The following CEP128 variants were observed in gnomAD, a reference collection of about 807,000 sequenced individuals.
CEP128 encodes the protein centrosomal protein 128kDa.
CEP128 carries 132 observed loss-of-function variants against 156.7 expected under a neutral mutation model. That is an observed-to-expected ratio of 0.84 (90% CI 0.73 to 0.97). CEP128 has a LOEUF of 0.97. Ranked by LOEUF, CEP128 falls within the 50% of genes least tolerant of loss-of-function variation. The pLI, the probability that CEP128 is intolerant of heterozygous loss-of-function variation, is 0.00. For missense variants in CEP128, 1,252 were observed against 1,281.9 expected (o/e 0.98, Z 0.36); for synonymous variants, 469 against 448.9 (o/e 1.04, Z -0.57).
At chr14:80,737,034 T>C (rs1898565659) in intron 19 of CEP128, among the ~76,000 whole-genome samples, 2 of 152,226 alleles carry the variant, frequency 1.3e-5, no homozygotes, top group African/African-American at 2.4e-5. Flanking sequence ...GAATAAAACA[T>C]ATTTCTTAAA....
intron 9 of CEP128, among the ~76,000 whole-genome samples, chr14:80,857,364 T>G (rs936926738): frequency 6.6e-6 from 1 of 152,034 alleles, no homozygotes; most frequent in African/African-American, 2.4e-5. Flanking sequence ...AAGGAGTTTA[T>G]AGTATGATAA....
At chr14:80,672,287 TTTTGA>T (rs1325853811) in intron 19 of CEP128, among the ~76,000 whole-genome samples, 1 of 136,154 alleles carries the variant, frequency 7.3e-6, no homozygotes, top group African/African-American at 2.7e-5. Context: ...ATTAAACAAA[TTTTGA>T]GATACCTAAT....
At chr14:80,559,202 C>T (rs1425303106) in intron 21 of CEP128, 77 bp downstream of exon 21, 1 of 1,258,268 alleles carries the variant, frequency 7.9e-7, no homozygotes, top group Non-Finnish European at 1.1e-6. Flanking sequence ...AAACTGTTTC[C>T]TTTGGTGTGC....
At chr14:80,767,242 T>A (rs1900284407) in intron 16 of CEP128, among the ~76,000 whole-genome samples, 1 of 152,138 alleles carries the variant, frequency 6.6e-6, no homozygotes, top group Non-Finnish European at 1.5e-5. Flanking sequence ...AACTTGGAAA[T>A]AATTTAAGCT....
chr14:80,857,215 C>CTT lies in CEP128; in HGVS notation c.762+5540_762+5541dup, dbSNP rs34279371. ...GAACCTGCAAAAAAAGTGGTTTTGGCTTTTTTTTTTTTTTTACAGTTTTTT... is the reference window on the plus strand; with the variant it reads ...GAACCTGCAAAAAAAGTGGTTTTGGCTTTTTTTTTTTTTTTTTACAGTTTTTT... On this transcript the variant is annotated intron_variant, in intron 9 of 24. Coordinates refer to ENST00000555265, the MANE Select transcript of CEP128 (RefSeq NM_152446.5). Among the ~76,000 whole-genome samples, 4 of 137,380 alleles carry CTT rather than the reference C, an allele frequency of 2.9e-5. No individual in the cohort carries two copies. The East Asian group carries it at 6.3e-4, about 22-fold the overall frequency. 90.1% of individuals were successfully genotyped at this position (137,380 alleles called of 152,430 possible).
At chr14:80,900,066 CTGTT>C in intron 6 of CEP128, 37 bp from the exon 7 acceptor site, 8 of 1,329,576 alleles carry the variant, frequency 6.0e-6, no homozygotes, top group Non-Finnish European at 8.6e-6. Flanking sequence ...ATTTAGAATT[CTGTT>C]GAATTCTTCC....
At chr14:80,787,701 T>C (rs1352524537) in intron 14 of CEP128, among the ~76,000 whole-genome samples, 1 of 152,116 alleles carries the variant, frequency 6.6e-6, no homozygotes, top group Non-Finnish European at 1.5e-5. Context: ...TAGTGATATA[T>C]GTTTGAAGCA....
At chr14:80,935,646 CAAAAAAAA>C (rs375122664) in intron 2 of CEP128, among the ~76,000 whole-genome samples, 11 of 51,608 alleles carry the variant, frequency 2.1e-4, no homozygotes, top group South Asian at 1.8e-3. Context: ...GTCCCCCCAC[CAAAAAAAA>C]AAAAAAAAAA....
At chr14:80,585,652 T>A (rs1284822525) in intron 19 of CEP128, among the ~76,000 whole-genome samples, 1 of 152,202 alleles carries the variant, frequency 6.6e-6, no homozygotes. Flanking sequence ...GGCAGCAGAA[T>A]ATGTTGAGTT....
chr14:80,858,631 T>G (rs866153003), intron 9 of CEP128, among the ~76,000 whole-genome samples: 6,614 of 145,534 alleles, frequency 0.045, 158 homozygotes, highest in Middle Eastern at 0.063. Flanking sequence ...GGGAGAAAAT[T>G]TTCGCAACCT....
chr14:80,777,176 T>C (rs1900839555), intron 16 of CEP128, among the ~76,000 whole-genome samples: 1 of 152,152 alleles, frequency 6.6e-6, no homozygotes, highest in South Asian at 2.1e-4. Context: ...AAATTCATAG[T>C]TGAAACTGAA....
intron 19 of CEP128, among the ~76,000 whole-genome samples, chr14:80,708,128 G>T (rs1422356500): frequency 1.3e-5 from 2 of 152,028 alleles, no homozygotes; most frequent in Admixed American, 1.3e-4. Flanking sequence ...GTCCCCTATG[G>T]ACATTTGGTT....
chr14:80,547,618 T>C (rs1057405756), intron 21 of CEP128, among the ~76,000 whole-genome samples: 3 of 152,198 alleles, frequency 2.0e-5, no homozygotes, highest in African/African-American at 7.2e-5. Context: ...CCTTGTCTGC[T>C]GTATGCTTTA....
intron 19 of CEP128, among the ~76,000 whole-genome samples, chr14:80,666,283 C>CT (rs1895608457): frequency 6.6e-6 from 1 of 152,224 alleles, no homozygotes; most frequent in Non-Finnish European, 1.5e-5. Context: ...AGGGAAGTGC[C>CT]TGACTCTAGC....
intron 19 of CEP128, among the ~76,000 whole-genome samples, chr14:80,641,333 ACTT>A (rs2140789282): frequency 6.6e-6 from 1 of 152,298 alleles, no homozygotes; most frequent in East Asian, 1.9e-4. Flanking sequence ...AAATACTGTG[ACTT>A]CTTGATGTTC....
intron 8 of CEP128, among the ~76,000 whole-genome samples, chr14:80,886,525 A>T (rs566972395): frequency 6.6e-4 from 101 of 152,352 alleles, no homozygotes; most frequent in African/African-American, 2.4e-3. Context: ...TATCCAGCCA[A>T]ACTAAGCTTC....
intron 19 of CEP128, among the ~76,000 whole-genome samples, chr14:80,589,331 C>G (rs1048128101): frequency 6.6e-6 from 1 of 152,102 alleles, no homozygotes; most frequent in South Asian, 2.1e-4. Context: ...AACTAACACA[C>G]CTTAGAACTT....
intron 13 of CEP128, among the ~76,000 whole-genome samples, chr14:80,825,100 C>T (rs1885398851): frequency 6.6e-6 from 1 of 152,310 alleles, no homozygotes; most frequent in South Asian, 2.1e-4. Context: ...GAGACTTATT[C>T]ACTATCATAA....
chr14:80,530,897 A>G lies in CEP128; in HGVS notation c.2881-11T>C. The G allele has an allele frequency of 6.4e-7, 1 of 1,556,238 alleles. No individual in the cohort carries two copies. The highest frequency in any genetic ancestry group is 1.7e-4 in the Middle Eastern group (1 of 5,890). On this transcript the variant is annotated splice_polypyrimidine_tract_variant and intron_variant, in intron 21 of 24. Transcript: ENST00000555265. Reference sequence around the variant, plus strand: ...GGCCACTTGGGTACTCTGAAATAGAAAACATAAGGAAACCAAACATTATAA... The same window carrying G: ...GGCCACTTGGGTACTCTGAAATAGAGAACATAAGGAAACCAAACATTATAA...
Sources: allele counts gnomAD v4.1 joint callset (sites outside exome capture counted in the v4.1 genomes callset), GRCh38; gene constraint gnomAD v4.1.1; transcripts MANE v1.5; gene names NCBI Gene and HGNC (gene_info 2026-07-23, HGNC 2026-07-21).